Variants in GRIK2 observed in about 807,000 individuals in gnomAD.
GRIK2 encodes the protein glutamate receptor ionotropic, kainate 2.
In GRIK2, 32 loss-of-function variants were observed where a neutral mutation model predicts 100.3. The ratio of observed to expected loss-of-function variants is 0.32; its 90% CI spans 0.24 to 0.43. The LOEUF (loss-of-function observed/expected upper bound fraction) is 0.43. Among genes scored for constraint, GRIK2 ranks in the 20% least tolerant of loss-of-function variants. GRIK2 has a pLI of 1.00. For missense variants in GRIK2, 843 were observed against 1,114.9 expected, an observed-to-expected ratio of 0.76 and a Z score of 3.47; for synonymous variants, 417 against 389.4, an observed-to-expected ratio of 1.07 and a Z score of -0.83.
intron 12 of GRIK2, among the ~76,000 whole-genome samples, chr6:101,909,404 A>C (rs924407586): frequency 5.8e-5 from 4 of 69,434 alleles, no homozygotes; most frequent in Non-Finnish European, 1.1e-4. Context: ...TTTAAAGATC[A>C]TTTGGGATTT....
At chr6:101,846,040 T>C (rs1783792245) in intron 10 of GRIK2, among the ~76,000 whole-genome samples, 1 of 152,074 alleles carries the variant, frequency 6.6e-6, no homozygotes, top group Non-Finnish European at 1.5e-5. Flanking sequence ...GTAGGAGTTC[T>C]TTATATATTC....
chr6:101,908,616 C>T (rs2128464490), intron 12 of GRIK2, among the ~76,000 whole-genome samples: 1 of 151,246 alleles, frequency 6.6e-6, no homozygotes, highest in African/African-American at 2.4e-5. Flanking sequence ...TTAGAACTTA[C>T]AAGAAATAGT....
intron 12 of GRIK2, among the ~76,000 whole-genome samples, chr6:101,921,797 G>C (rs527784909): frequency 1.4e-4 from 22 of 151,946 alleles, no homozygotes; most frequent in African/African-American, 5.3e-4. Context: ...TTGAGAAAGA[G>C]GAAAAGCTTC....
intron 4 of GRIK2, among the ~76,000 whole-genome samples, chr6:101,651,619 G>A (rs886455995): frequency 1.3e-5 from 2 of 152,156 alleles, no homozygotes; most frequent in African/African-American, 4.8e-5. Context: ...TGGGGGATGA[G>A]AGAGTAAGCC....
At chr6:101,760,725 AT>A (rs67680261) in intron 7 of GRIK2, among the ~76,000 whole-genome samples, 8,193 of 80,386 alleles carry the variant, frequency 0.1, 1,717 homozygotes, top group East Asian at 0.52. Context: ...ATTATATTTA[AT>A]TATATAATTA....
chr6:101,702,931 G>T (rs1157402949), intron 7 of GRIK2, among the ~76,000 whole-genome samples: 1 of 151,790 alleles, frequency 6.6e-6, no homozygotes, highest in Non-Finnish European at 1.5e-5. Flanking sequence ...TTCATAATTT[G>T]TGATGAGAAA....
intron 2 of GRIK2, among the ~76,000 whole-genome samples, chr6:101,401,071 G>A (rs1419469894): frequency 6.6e-6 from 1 of 152,156 alleles, no homozygotes; most frequent in Non-Finnish European, 1.5e-5. Context: ...CTACAGTATG[G>A]TAGTTTGCCC....
chr6:101,875,927 ATTAT>A (rs767167597), intron 11 of GRIK2, among the ~76,000 whole-genome samples: 10 of 151,452 alleles, frequency 6.6e-5, no homozygotes, highest in African/African-American at 2.4e-4. Flanking sequence ...CTTGCCATTT[ATTAT>A]TTATTTCTTC....
chr6:101,624,596 C>T (rs985981329), intron 3 of GRIK2, among the ~76,000 whole-genome samples: 1 of 152,106 alleles, frequency 6.6e-6, no homozygotes, highest in African/African-American at 2.4e-5. Flanking sequence ...GAATAATAAA[C>T]TATCCATTTT....
At chr6:101,812,202 A>G (rs547212105) in intron 9 of GRIK2, among the ~76,000 whole-genome samples, 4 of 151,752 alleles carry the variant, frequency 2.6e-5, no homozygotes, top group African/African-American at 4.8e-5. Flanking sequence ...GAATAGACAC[A>G]TATGTATGTT....
At chr6:101,598,236 C>G (rs1326852083) in intron 2 of GRIK2, among the ~76,000 whole-genome samples, 1 of 151,572 alleles carries the variant, frequency 6.6e-6, no homozygotes, top group Non-Finnish European at 1.5e-5. Context: ...TCAATACCCC[C>G]TTTTCAATCT....
At chr6:102,028,886 A>G (rs1313220702) in intron 14 of GRIK2, among the ~76,000 whole-genome samples, 1 of 151,048 alleles carries the variant, frequency 6.6e-6, no homozygotes, top group Non-Finnish European at 1.5e-5. Context: ...AAATATTTTA[A>G]CTATTTCTTA....
intron 14 of GRIK2, among the ~76,000 whole-genome samples, chr6:102,017,667 T>G (rs868118180): frequency 1.3e-5 from 2 of 152,132 alleles, no homozygotes; most frequent in Non-Finnish European, 2.9e-5. Flanking sequence ...CTGTGTATAT[T>G]ATATATTTTA....
chr6:101,643,981 A>G (rs1781405117), intron 4 of GRIK2, among the ~76,000 whole-genome samples: 1 of 151,750 alleles, frequency 6.6e-6, no homozygotes, highest in African/African-American at 2.4e-5. Context: ...GGTCCATCAC[A>G]TTCTTTAATT....
At chr6:101,594,725 A>G (rs1778828604) in intron 2 of GRIK2, among the ~76,000 whole-genome samples, 1 of 151,812 alleles carries the variant, frequency 6.6e-6, no homozygotes, top group African/African-American at 2.4e-5. Flanking sequence ...GCCAGGTTGA[A>G]GGCATTTATA....
At chr6:102,035,882 A>C (rs1379057743) in intron 15 of GRIK2, among the ~76,000 whole-genome samples, 1 of 151,402 alleles carries the variant, frequency 6.6e-6, no homozygotes, top group African/African-American at 2.4e-5. Context: ...TTATGAGTAC[A>C]CTAAAGTTTT....
intron 3 of GRIK2, among the ~76,000 whole-genome samples, chr6:101,624,218 C>T (rs1294347965): frequency 6.6e-6 from 1 of 152,040 alleles, no homozygotes; most frequent in African/African-American, 2.4e-5. Flanking sequence ...GCTTGAAACA[C>T]ACTTAGAAAC....
rs533908216 is a variant in GRIK2 at position 101,691,330 on chromosome 6, C to T, written c.951+4977C>T. Among the ~76,000 whole-genome samples, 10 of 149,288 alleles carry T rather than the reference C, an allele frequency of 6.7e-5. 1 individual carries two copies. In the East Asian group the frequency reaches 2.0e-3, roughly 29 times the overall value. ...TTTTTTTTTTTTTGAGACAGAGTCT[C>T]GCTCTGCCACCCAGGCTGGAGTGCA... On this transcript the variant is annotated intron_variant, in intron 7 of 16. Coordinates refer to ENST00000369134, the MANE Select transcript of GRIK2 (RefSeq NM_021956.5).
chr6:101,811,590 C>G (rs1017979397), intron 9 of GRIK2, among the ~76,000 whole-genome samples: 1 of 151,778 alleles, frequency 6.6e-6, no homozygotes, highest in African/African-American at 2.4e-5. Context: ...TTTGTTCCTA[C>G]TTGAAAAATT....
Sources: gnomAD v4.1 joint callset for allele counts (sites outside exome capture counted in the v4.1 genomes callset) on GRCh38, gnomAD v4.1.1 for gene constraint, MANE v1.5 for transcripts, NCBI Gene and HGNC (gene_info 2026-07-23, HGNC 2026-07-21) for gene names.